NPHP3: variants seen among roughly 807,000 people sequenced by gnomAD.
NPHP3 encodes nephrocystin 3, also known as nephrocystin-3.
A neutral mutation model predicts 171.9 loss-of-function variants in NPHP3; 123 were observed. The observed-to-expected ratio is 0.72, with a 90% CI of 0.62 to 0.83. The LOEUF is 0.83. Ranked by LOEUF, NPHP3 falls within the 40% of genes least tolerant of loss-of-function variation. NPHP3 has a pLI of 0.00. For synonymous variants in NPHP3, 558 were observed against 579.2 expected (o/e 0.96, Z 0.52); for missense variants, 1,506 against 1,591.9 (o/e 0.95, Z 0.92).
At chr3:132,700,533 C>CA in intron 10 of NPHP3, 85 bp from the exon 11 acceptor site, 1 of 754,598 alleles carries the variant, frequency 1.3e-6, no homozygotes, top group Non-Finnish European at 2.2e-6. Flanking sequence ...CAGTAAACAT[C>CA]AAATGTTGCC....
intron 9 of NPHP3, 71 bp downstream of exon 9, chr3:132,704,127 T>A (rs1939685821): frequency 1.4e-6 from 2 of 1,411,892 alleles, no homozygotes; most frequent in Non-Finnish European, 2.0e-6. Context: ...TATATTTAGA[T>A]GAAAATACAA....
Position 132,722,053 on chromosome 3 carries a change from A to G in NPHP3, c.303T>C (p.Phe101=). 6.2e-7 allele frequency: 1 copy of G among 1,613,016 alleles called. No individual in the cohort carries two copies. Among genetic ancestry groups the G allele is most frequent in the South Asian group, 1.1e-5 (1 of 91,080 alleles). ...YERLRKEYEI[F]RVSKNQELLS... ...ACAACTCCTGGTTCTTGCTGACGCGAAAGATCTCGTACTCCTTCCTGAGCC... is the reference window on the plus strand; with the variant it reads ...ACAACTCCTGGTTCTTGCTGACGCGGAAGATCTCGTACTCCTTCCTGAGCC... Residue 101 remains phenylalanine (F), a synonymous_variant, in exon 1 of 27, where the codon TTT becomes TTC. Coordinates refer to ENST00000337331, the MANE Select transcript of NPHP3 (RefSeq NM_153240.5).
Position 132,719,817 on chromosome 3 carries a change from G to T in NPHP3, c.407C>A (p.Thr136Lys). 1 of 1,588,234 alleles carries T rather than the reference G, an allele frequency of 6.3e-7. No homozygotes were observed. The highest frequency in any genetic ancestry group is 1.3e-5 in the African/African-American group (1 of 74,530). ...TTTTTCTCGAAGTATCTTCTGATACGTTTTTTGAAGTGCCTAGAATAATTT... is the reference window on the plus strand; with the variant it reads ...TTTTTCTCGAAGTATCTTCTGATACTTTTTTTGAAGTGCCTAGAATAATTT... ...LRAELQALQK[T>K]YQKILREKES... Residue 136 changes from threonine (T) to lysine (K), a missense_variant, in exon 2 of 27, where the codon ACG becomes AAG. This residue lies in a region of NPHP3 where 930 missense variants were observed against 924.9 expected (regional missense o/e 1.01). Transcript: ENST00000337331.
At chr3:132,694,245 C>T (rs909913179) in intron 16 of NPHP3, among the ~76,000 whole-genome samples, 3 of 151,844 alleles carry the variant, frequency 2.0e-5, no homozygotes, top group African/African-American at 7.2e-5. Context: ...ATCCATATGA[C>T]AGAGGATTAA....
chr3:132,706,649 A>C (rs1172844209), intron 7 of NPHP3, among the ~76,000 whole-genome samples: 1 of 152,204 alleles, frequency 6.6e-6, no homozygotes, highest in African/African-American at 2.4e-5. Flanking sequence ...TGATTTTACA[A>C]TACATACCAA....
rs1274876433 is a variant in NPHP3 at position 132,708,039 on chromosome 3, G to A, written c.1275+62C>T. On this transcript the variant is annotated intron_variant, in intron 7 of 26. Coordinates refer to ENST00000337331, the MANE Select transcript of NPHP3 (RefSeq NM_153240.5). ...TATGCCAGGCTTATGCCCACCTCAT[G>A]GCCTTTGCTCCAGTTTTTCCCTCAG... 9.2e-6 allele frequency: 14 copies of A among 1,523,362 alleles called. No homozygotes were observed. In the East Asian group the frequency reaches 3.2e-4, roughly 35 times the overall value. The allele number at this position is 1,523,362 out of a possible 1,614,324, so 94.4% of individuals were successfully genotyped here.
In NPHP3 at chr3:132,691,210, T is replaced by C; in HGVS notation, c.2552A>G (p.Tyr851Cys). ...ACAATACCTTAGCTGCAAGGTGAAA[T>C]AGTTGATTAGCTTTTGCCTGTATGA... ...TSSYRQKLIN[Y>C]FTLQLSQDRV... The change falls in exon 18 of 27, where the codon TAT (tyrosine) becomes TGT (cysteine). Residue 851 changes from tyrosine to cysteine, a missense_variant. Coordinates refer to ENST00000337331, the MANE Select transcript of NPHP3 (RefSeq NM_153240.5). 3.7e-6 allele frequency: 6 copies of C among 1,612,834 alleles called. No individual in the cohort carries two copies. Among genetic ancestry groups the C allele is most frequent in the Middle Eastern group, 1.7e-4 (1 of 6,054 alleles).
At chr3:132,721,870 C>T (rs1179578443) in intron 1 of NPHP3, 93 bp downstream of exon 1, 3 of 1,474,698 alleles carry the variant, frequency 2.0e-6, no homozygotes, top group Non-Finnish European at 2.8e-6. Flanking sequence ...GGGCAGTTTC[C>T]GCCGAACTTT....
At chr3:132,720,922 AT>A (rs71942158) in intron 1 of NPHP3, among the ~76,000 whole-genome samples, 28,174 of 147,790 alleles carry the variant, frequency 0.19, 3,308 homozygotes, top group African/African-American at 0.34. Flanking sequence ...GCTTTATACT[AT>A]TTTTTTTTTT....
At chr3:132,711,060 C>T (rs1384602715) in intron 6 of NPHP3, among the ~76,000 whole-genome samples, 1 of 152,222 alleles carries the variant, frequency 6.6e-6, no homozygotes, top group Admixed American at 6.5e-5. Flanking sequence ...CATCTGCACA[C>T]AGGGAATAAT....
At chr3:132,707,251 A>G (rs939813079) in intron 7 of NPHP3, among the ~76,000 whole-genome samples, 2 of 152,178 alleles carry the variant, frequency 1.3e-5, no homozygotes, top group Non-Finnish European at 2.9e-5. Context: ...AGTCACTATA[A>G]AAAGTCTCCT....
Position 132,686,326 on chromosome 3 carries a change from T to A in NPHP3, c.3263A>T (p.Asp1088Val). The part of the protein sequence containing the change: ...LQLEELTLGK[D>V]TPDNARTLNE... The stretch of plus-strand genomic sequence containing the variant: ...GAGGGTCCGAGCATTATCAGGTGTG[T>A]CCTTACCTAATGTAAGCTCTTCTAA... Residue 1088 changes from aspartate (D) to valine (V), a missense_variant, in exon 23 of 27, where the codon GAC (aspartate) becomes GTC (valine). Physicochemically the swap from Asp to Val is radical, Grantham distance 152. This residue lies in a region of NPHP3 where 569 missense variants were observed against 648.1 expected (regional missense o/e 0.88). Transcript: ENST00000337331. 1.2e-6 allele frequency: 2 copies of A among 1,613,758 alleles called. No individual in the cohort carries two copies. Among genetic ancestry groups the A allele is most frequent in the Non-Finnish European group, 1.7e-6 (2 of 1,179,642 alleles).
intron 20 of NPHP3, 70 bp downstream of exon 20, chr3:132,689,004 T>C: frequency 6.2e-7 from 1 of 1,611,696 alleles, no homozygotes; most frequent in Non-Finnish European, 8.5e-7. Context: ...CATTAACATC[T>C]TGGAAAAAGA....
At chr3:132,701,055 T>C (rs796186981) in intron 10 of NPHP3, among the ~76,000 whole-genome samples, 5 of 152,346 alleles carry the variant, frequency 3.3e-5, no homozygotes, top group African/African-American at 1.2e-4. Context: ...GTTTCAAATA[T>C]TTAAAGTATC....
intron 19 of NPHP3, among the ~76,000 whole-genome samples, chr3:132,689,972 C>A (rs60131733): frequency 0.015 from 2,318 of 152,208 alleles, 47 homozygotes; most frequent in African/African-American, 0.053. Context: ...CAGAAAAAAA[C>A]CCTCATGAAG....
chr3:132,693,950 C>T lies in NPHP3; in HGVS notation c.2310+877G>A, dbSNP rs186415358. 2.8e-3 allele frequency: 423 copies of T among 150,404 alleles called. 2 individuals carry two copies. The highest frequency in any genetic ancestry group is 9.9e-3 in the African/African-American group (407 of 41,082). 9.3% of individuals were successfully genotyped at this position (150,404 alleles called of 1,614,324 possible). ...AATTGAATACATCAACAAAAAACTACAATGTTATTTTAATTACATAGCACT... is the reference window on the plus strand; with the variant it reads ...AATTGAATACATCAACAAAAAACTATAATGTTATTTTAATTACATAGCACT... On this transcript the variant is annotated intron_variant, in intron 16 of 26. Transcript: ENST00000337331.
At chr3:132,690,254 T>C (rs561826997) in intron 19 of NPHP3, among the ~76,000 whole-genome samples, 1 of 152,254 alleles carries the variant, frequency 6.6e-6, no homozygotes, top group South Asian at 2.1e-4. Context: ...TCTGAGTGGT[T>C]TAAATTTAGA....
Position 132,714,148 on chromosome 3 carries a change from G to A in NPHP3, c.958-862C>T, listed in dbSNP as rs145937684. On this transcript the variant is annotated intron_variant, in intron 5 of 26. Transcript: ENST00000337331. ...GTTGTAGTGCTGCCATGGATGATAC[G>A]TAAACGAATGAGTGCAGCAATGTTC... 3.0e-3 allele frequency among the ~76,000 whole-genome samples: 452 copies of A among 152,326 alleles called. 3 individuals carry two copies. Among genetic ancestry groups the A allele is most frequent in the African/African-American group, 0.011 (439 of 41,580 alleles).
Position 132,689,376 on chromosome 3 carries a change from T to C in NPHP3, c.2694-113A>G, listed in dbSNP as rs1939243511. The C allele has an allele frequency of 3.6e-6, 4 of 1,104,814 alleles. No homozygotes were observed. The South Asian group carries it at 5.2e-5, about 14-fold the overall frequency. 68.4% of individuals were successfully genotyped at this position (1,104,814 alleles called of 1,614,324 possible). ...TGACAATTTATTAGTAGGCGAGTAC[T>C]GTGTAATGAGGTAAGACTCAGACCA... On this transcript the variant is annotated intron_variant, in intron 19 of 26. Coordinates refer to ENST00000337331, the MANE Select transcript of NPHP3 (RefSeq NM_153240.5).
Sources: gnomAD v4.1 joint callset for allele counts (sites outside exome capture counted in the v4.1 genomes callset) on GRCh38, gnomAD v4.1.1 for gene constraint, gnomAD v4.1.1 regional missense constraint, MANE v1.5 for transcripts, NCBI Gene and HGNC (gene_info 2026-07-23, HGNC 2026-07-21) for gene names.